CDH4: variants seen among roughly 807,000 people sequenced by gnomAD.
CDH4 encodes cadherin 4.
In CDH4, 33 loss-of-function variants were observed where a neutral mutation model predicts 86.0. The ratio of observed to expected loss-of-function variants is 0.38; its 90% confidence interval spans 0.29 to 0.51. CDH4 has a LOEUF of 0.51. CDH4 is among the 20% of genes least tolerant of loss of function. The pLI, the probability that CDH4 is intolerant of heterozygous loss-of-function variation, is 0.86. For missense variants in CDH4, 1,114 were observed against 1,307.4 expected (o/e 0.85, Z 2.28); for synonymous variants, 555 against 549.4 (o/e 1.01, Z -0.14).
intron 2 of CDH4, among the ~76,000 whole-genome samples, chr20:61,556,691 G>A (rs1002641316): frequency 2.6e-5 from 4 of 152,156 alleles, no homozygotes; most frequent in Admixed American, 2.6e-4. Context: ...GGCCACCCGT[G>A]TAAGCCCGCG....
chr20:61,550,310 C>T (rs2086120357), intron 2 of CDH4, among the ~76,000 whole-genome samples: 1 of 141,336 alleles, frequency 7.1e-6, no homozygotes, highest in African/African-American at 2.9e-5. Flanking sequence ...ACCTCACTGG[C>T]CTCCCTAGCC....
intron 2 of CDH4, among the ~76,000 whole-genome samples, chr20:61,365,948 T>C (rs1240211133): frequency 6.6e-6 from 1 of 152,190 alleles, no homozygotes; most frequent in Non-Finnish European, 1.5e-5. Context: ...AGGATGCATG[T>C]ATGAGCTGGG....
In CDH4 at chr20:61,377,701, T is replaced by C. The variant is rs566894596; in HGVS notation, c.169+122764T>C. ...AAAACCAGAAGTCTTAGGCTGTTAA[T>C]GTGCCATAACCACTGGCTCCAAGCA... On this transcript the variant is annotated intron_variant, in intron 2 of 15. Coordinates refer to ENST00000614565, the MANE Select transcript of CDH4 (RefSeq NM_001794.5). This position sits in a 1 kb window ranked among gnomAD's most constrained non-coding sequence, Gnocchi z 4.0. Among the ~76,000 whole-genome samples the C allele has an allele frequency of 1.3e-5, 2 of 152,354 alleles. No individual in the cohort carries two copies. Among genetic ancestry groups the C allele is most frequent in the East Asian group, 1.9e-4 (1 of 5,188 alleles).
chr20:61,866,997 C>T (rs1278059143), intron 6 of CDH4, among the ~76,000 whole-genome samples: 3 of 152,180 alleles, frequency 2.0e-5, no homozygotes, highest in Non-Finnish European at 2.9e-5. Context: ...GAGATGATGC[C>T]GACGGCTGGG....
chr20:61,624,878 C>T (rs1045139247), intron 2 of CDH4, among the ~76,000 whole-genome samples: 1 of 152,186 alleles, frequency 6.6e-6, no homozygotes, highest in African/African-American at 2.4e-5. Context: ...GCCAGGCGCC[C>T]CTTGATCCCA....
intron 2 of CDH4, among the ~76,000 whole-genome samples, chr20:61,275,560 G>T (rs553802948): frequency 7.3e-6 from 1 of 136,644 alleles, no homozygotes; most frequent in Non-Finnish European, 1.6e-5. Flanking sequence ...GCAGTTTGGG[G>T]GAGTACCCTG....
intron 8 of CDH4, among the ~76,000 whole-genome samples, chr20:61,897,994 G>T (rs1305470608): frequency 6.6e-6 from 1 of 152,222 alleles, no homozygotes; most frequent in African/African-American, 2.4e-5. Flanking sequence ...GACCCTGGCA[G>T]GGAGGGTTCC....
chr20:61,700,980 G>A (rs762159694), intron 2 of CDH4, among the ~76,000 whole-genome samples: 8 of 152,202 alleles, frequency 5.3e-5, no homozygotes, highest in African/African-American at 2.4e-5. Flanking sequence ...ACAGAGGGGC[G>A]GTGTAAACAG....
At chr20:61,394,600 C>T (rs2085005434) in intron 2 of CDH4, among the ~76,000 whole-genome samples, 1 of 151,840 alleles carries the variant, frequency 6.6e-6, no homozygotes, top group South Asian at 2.1e-4. Flanking sequence ...GGGGTGAGGA[C>T]TGCGGCCAGG....
At chr20:61,359,581 G>A (rs1247822906) in intron 2 of CDH4, among the ~76,000 whole-genome samples, 12 of 152,226 alleles carry the variant, frequency 7.9e-5, no homozygotes, top group African/African-American at 1.2e-4. Context: ...CAGGTGCTCC[G>A]TGTCCCGGCC....
In CDH4 at chr20:61,674,199, A is replaced by G. The variant is rs564354060; in HGVS notation, c.170-69364A>G. 7.2e-5 allele frequency among the ~76,000 whole-genome samples: 11 copies of G among 152,244 alleles called. No homozygotes were observed. The East Asian group carries it at 9.7e-4, about 13-fold the overall frequency. On this transcript the variant is annotated intron_variant, in intron 2 of 15. Coordinates refer to ENST00000614565, the MANE Select transcript of CDH4 (RefSeq NM_001794.5). ...GCACACGCAAGGAAGAGCCAAGACT[A>G]GTGGAGCCCCAAGCCTGAGCTGCCC...
At chr20:61,356,500 A>G (rs1453667634) in intron 2 of CDH4, among the ~76,000 whole-genome samples, 2 of 152,182 alleles carry the variant, frequency 1.3e-5, no homozygotes, top group East Asian at 3.9e-4. Context: ...TCTCCTCACC[A>G]TTAATTGTCT....
chr20:61,429,844 T>C (rs1376837542), intron 2 of CDH4, among the ~76,000 whole-genome samples: 2 of 152,058 alleles, frequency 1.3e-5, no homozygotes, highest in Non-Finnish European at 2.9e-5. Flanking sequence ...AATGGATAGA[T>C]GGGTGGATGG....
At chr20:61,865,495 G>A (rs1048968447) in intron 6 of CDH4, among the ~76,000 whole-genome samples, 1 of 152,078 alleles carries the variant, frequency 6.6e-6, no homozygotes, top group Non-Finnish European at 1.5e-5. Flanking sequence ...CTGGCATCCT[G>A]GGTGGTTAGT....
chr20:61,614,789 T>TGGGGGCCCGCTCTTC (rs1298578969), intron 2 of CDH4, among the ~76,000 whole-genome samples: 1 of 152,098 alleles, frequency 6.6e-6, no homozygotes, highest in Non-Finnish European at 1.5e-5. Context: ...GACTCACTAA[T>TGGGGGCCCGCTCTTC]GGGGGCCCGC....
In CDH4 at chr20:61,710,666, A is replaced by G. The variant is rs560008756; in HGVS notation, c.170-32897A>G. On this transcript the variant is annotated intron_variant, in intron 2 of 15. Coordinates refer to ENST00000614565, the MANE Select transcript of CDH4 (RefSeq NM_001794.5). ...CCTGGTGAGGAAGGGGCAAGGGCCC[A>G]TGTGGAGCAGGGTGCAGGCAGAGCC... Among the ~76,000 whole-genome samples the G allele has an allele frequency of 6.6e-5, 10 of 152,348 alleles. No homozygotes were observed. In the South Asian group the frequency reaches 1.0e-3, roughly 16 times the overall value.
chr20:61,726,231 A>G (rs2088109594), intron 2 of CDH4, among the ~76,000 whole-genome samples: 1 of 152,066 alleles, frequency 6.6e-6, no homozygotes, highest in South Asian at 2.1e-4. Flanking sequence ...GGAGCCGAAA[A>G]GCAGCTGGGA....
At chr20:61,416,410 G>A (rs1032987387) in intron 2 of CDH4, among the ~76,000 whole-genome samples, 7 of 152,116 alleles carry the variant, frequency 4.6e-5, no homozygotes, top group African/African-American at 9.7e-5. Flanking sequence ...CAGCTGCTGC[G>A]CAATTTACAT....
chr20:61,553,008 A>C (rs970357657), intron 2 of CDH4, among the ~76,000 whole-genome samples: 4 of 152,250 alleles, frequency 2.6e-5, no homozygotes, highest in African/African-American at 9.6e-5. Flanking sequence ...TAGCAGTACC[A>C]TTCATAGTAG....
Sources: gnomAD v4.1 joint callset for allele counts (sites outside exome capture counted in the v4.1 genomes callset) on GRCh38, gnomAD v4.1.1 for gene constraint, Gnocchi (gnomAD v3.1) non-coding constraint, MANE v1.5 for transcripts, NCBI Gene and HGNC (gene_info 2026-07-23, HGNC 2026-07-21) for gene names.